Variants in RTN1 observed in about 807,000 individuals in gnomAD.
RTN1 encodes reticulon 1.
RTN1 carries 25 observed loss-of-function variants against 65.5 expected under a neutral mutation model. The ratio of observed to expected loss-of-function variants is 0.38; its 90% CI spans 0.28 to 0.53. The LOEUF is 0.53. Ranked by LOEUF, RTN1 falls within the 20% of genes least tolerant of loss-of-function variation. The pLI is 0.79. For missense variants in RTN1, 983 were observed against 1,025.4 expected (o/e 0.96, Z 0.57); for synonymous variants, 471 against 447.6 (o/e 1.05, Z -0.66).
At chr14:59,668,677 T>C (rs1300110989) in intron 3 of RTN1, among the ~76,000 whole-genome samples, 1 of 152,044 alleles carries the variant, frequency 6.6e-6, no homozygotes, top group Non-Finnish European at 1.5e-5. Context: ...ACCTACAGAA[T>C]CGGAGAAAAT....
chr14:59,804,147 C>T (rs1886595460), intron 1 of RTN1, among the ~76,000 whole-genome samples: 2 of 152,208 alleles, frequency 1.3e-5, no homozygotes, highest in African/African-American at 4.8e-5. Flanking sequence ...ATTGTCATGT[C>T]TCCTTAGGCT....
At chr14:59,602,673 T>C in intron 8 of RTN1, among the ~76,000 whole-genome samples, 1 of 152,176 alleles carries the variant, frequency 6.6e-6, no homozygotes, top group Non-Finnish European at 1.5e-5. Flanking sequence ...AAAAAATTAG[T>C]GCTATTCATT....
At chr14:59,795,833 T>C (rs1168958357) in intron 1 of RTN1, among the ~76,000 whole-genome samples, 1 of 152,182 alleles carries the variant, frequency 6.6e-6, no homozygotes, top group Non-Finnish European at 1.5e-5. Context: ...CATTTTCTCA[T>C]CTCAATGCCC....
chr14:59,777,473 G>C (rs17096618), intron 1 of RTN1, among the ~76,000 whole-genome samples: 56,428 of 151,980 alleles, frequency 0.37, 10,644 homozygotes, highest in Admixed American at 0.45. Flanking sequence ...CTGATCATGA[G>C]TGGTACCTAC....
At chr14:59,699,701 G>A (rs1320636860) in intron 3 of RTN1, among the ~76,000 whole-genome samples, 3 of 152,114 alleles carry the variant, frequency 2.0e-5, no homozygotes, top group Non-Finnish European at 4.4e-5. Flanking sequence ...TCCCTCATAA[G>A]AAAAGGAAAC....
rs113164035 is a variant in RTN1 at position 59,786,457 on chromosome 14, C to T, written c.242-39976G>A. 9.7e-3 allele frequency among the ~76,000 whole-genome samples: 1,476 copies of T among 152,148 alleles called. 30 individuals carry two copies. The highest frequency in any genetic ancestry group is 0.033 in the African/African-American group (1,387 of 41,488). ...CTTTTATGTGAAGAAATAAATTATA[C>T]TGAATATAAAGTACCTGCAACAATG... On this transcript the variant is annotated intron_variant, in intron 1 of 8. Coordinates refer to ENST00000267484, the MANE Select transcript of RTN1 (RefSeq NM_021136.3).
chr14:59,723,964 C>G (rs1484795707), intron 3 of RTN1, among the ~76,000 whole-genome samples: 1 of 152,222 alleles, frequency 6.6e-6, no homozygotes, highest in Non-Finnish European at 1.5e-5. Context: ...TATCACATAA[C>G]TATCCTGATT....
At chr14:59,664,558 A>G (rs1037886416) in intron 3 of RTN1, among the ~76,000 whole-genome samples, 1 of 152,204 alleles carries the variant, frequency 6.6e-6, no homozygotes, top group Non-Finnish European at 1.5e-5. Flanking sequence ...CTTGAGAAAT[A>G]TAACTCAATT....
At chr14:59,626,386 T>C (rs987418819) in intron 3 of RTN1, among the ~76,000 whole-genome samples, 1 of 152,196 alleles carries the variant, frequency 6.6e-6, no homozygotes, top group Non-Finnish European at 1.5e-5. Context: ...TGGCAATCTG[T>C]AACTACAAAA....
intron 2 of RTN1, among the ~76,000 whole-genome samples, chr14:59,737,735 G>C (rs1885029616): frequency 6.6e-6 from 1 of 152,138 alleles, no homozygotes. Flanking sequence ...CAAAGCTGGA[G>C]GCATTATGCT....
chr14:59,604,798 C>T (rs998979057), intron 5 of RTN1: 2 of 152,266 alleles, frequency 1.3e-5, no homozygotes, highest in Admixed American at 1.3e-4. Flanking sequence ...ACGTGTAAGT[C>T]ACCAGGAGGC....
chr14:59,706,288 T>C (rs574885509), intron 3 of RTN1, among the ~76,000 whole-genome samples: 1 of 152,316 alleles, frequency 6.6e-6, no homozygotes, highest in African/African-American at 2.4e-5. Context: ...CTGGGGCCAC[T>C]AAAATCCCCT....
In RTN1 at chr14:59,655,119, C is replaced by A. The variant is rs1466195784; in HGVS notation, c.1766-47627G>T. 2.0e-5 allele frequency among the ~76,000 whole-genome samples: 3 copies of A among 152,014 alleles called. No individual in the cohort carries two copies. The South Asian group carries it at 6.2e-4, about 32-fold the overall frequency. On this transcript the variant is annotated intron_variant, in intron 3 of 8. Transcript: ENST00000267484. ...AATACATCCAGCAGTTTACAGAATA[C>A]AAAGTTAATATACAATACTCAACTG...
intron 1 of RTN1, among the ~76,000 whole-genome samples, chr14:59,793,864 T>C (rs1267049724): frequency 6.6e-6 from 1 of 152,208 alleles, no homozygotes; most frequent in East Asian, 1.9e-4. Flanking sequence ...ACATTGTCAG[T>C]AGTAGCTCCA....
chr14:59,787,469 C>A (rs113816350), intron 1 of RTN1, among the ~76,000 whole-genome samples: 1 of 152,204 alleles, frequency 6.6e-6, no homozygotes, highest in Admixed American at 6.5e-5. Flanking sequence ...CTCTCCTCCC[C>A]CTTGGTCAGC....
intron 1 of RTN1, among the ~76,000 whole-genome samples, chr14:59,788,163 A>G (rs1308555997): frequency 2.0e-5 from 3 of 152,174 alleles, no homozygotes; most frequent in Non-Finnish European, 2.9e-5. Flanking sequence ...TTTTATAACA[A>G]TGCTCCAATA....
rs140356176 is a variant in RTN1 at position 59,735,050 on chromosome 14, C to T, written c.1016-7382G>A. On this transcript the variant is annotated intron_variant, in intron 2 of 8. Coordinates refer to ENST00000267484, the MANE Select transcript of RTN1 (RefSeq NM_021136.3). ...TAACAGTGGACCTCTCAGCAGAAAC[C>T]CTATAAGCTAGAAGAGACTGGGGGC... 6.6e-3 allele frequency among the ~76,000 whole-genome samples: 1,007 copies of T among 152,012 alleles called. 14 individuals are homozygous for T. Among genetic ancestry groups the T allele is most frequent in the African/African-American group, 0.024 (982 of 41,436 alleles).
chr14:59,628,642 T>C (rs951251122), intron 3 of RTN1, among the ~76,000 whole-genome samples: 5 of 152,224 alleles, frequency 3.3e-5, no homozygotes, highest in African/African-American at 1.2e-4. Flanking sequence ...AGATTCTCAA[T>C]GATCTTCAAT....
chr14:59,864,612 C>T (rs1887766754), intron 1 of RTN1, among the ~76,000 whole-genome samples: 1 of 151,740 alleles, frequency 6.6e-6, no homozygotes, highest in Non-Finnish European at 1.5e-5. Context: ...GTACTATAAT[C>T]CTCAGTGCTT....
Sources: gnomAD v4.1 joint callset for allele counts (sites outside exome capture counted in the v4.1 genomes callset) on GRCh38, gnomAD v4.1.1 for gene constraint, MANE v1.5 for transcripts, NCBI Gene and HGNC (gene_info 2026-07-23, HGNC 2026-07-21) for gene names.